The following SH3PXD2A variants were observed in gnomAD, a reference collection of about 807,000 sequenced individuals.
The protein encoded by SH3PXD2A is SH3 and PX domains 2A.
SH3PXD2A carries 32 observed loss-of-function variants against 115.2 expected under a neutral mutation model. That is an observed-to-expected ratio of 0.28 (90% CI 0.21 to 0.37). The LOEUF is 0.37. Ranked by LOEUF, SH3PXD2A falls within the 10% of genes least tolerant of loss-of-function variation. The pLI is 1.00. For missense variants in SH3PXD2A, 1,328 were observed against 1,498.7 expected (o/e 0.89, Z 1.88); for synonymous variants, 610 against 629.1 (o/e 0.97, Z 0.45).
intron 6 of SH3PXD2A, among the ~76,000 whole-genome samples, chr10:103,668,970 C>T (rs1352445462): frequency 6.6e-6 from 1 of 152,368 alleles, no homozygotes; most frequent in East Asian, 1.9e-4. Flanking sequence ...TATCACAGCC[C>T]TGTACAAGGC....
chr10:103,778,865 C>G (rs959791440), intron 2 of SH3PXD2A, among the ~76,000 whole-genome samples: 2 of 152,150 alleles, frequency 1.3e-5, no homozygotes, highest in Non-Finnish European at 1.5e-5. Context: ...GAGCTTTGTC[C>G]CAACACAGAT....
At chr10:103,797,452 C>G (rs1348352967) in intron 2 of SH3PXD2A, among the ~76,000 whole-genome samples, 1 of 152,070 alleles carries the variant, frequency 6.6e-6, no homozygotes, top group Non-Finnish European at 1.5e-5. Flanking sequence ...TTCCGGTGAA[C>G]AGCTCCTCAA....
At chr10:103,791,220 G>A (rs1208579063) in intron 2 of SH3PXD2A, among the ~76,000 whole-genome samples, 1 of 152,232 alleles carries the variant, frequency 6.6e-6, no homozygotes, top group African/African-American at 2.4e-5. Flanking sequence ...GAGGCTGGGG[G>A]TGCAGCAAAG....
At chr10:103,782,423 G>A (rs1238893381) in intron 2 of SH3PXD2A, among the ~76,000 whole-genome samples, 1 of 152,212 alleles carries the variant, frequency 6.6e-6, no homozygotes, top group Admixed American at 6.5e-5. Context: ...AGGCAAAGAT[G>A]GGCACACAAG....
chr10:103,845,883 A>G (rs1842844003), intron 1 of SH3PXD2A, among the ~76,000 whole-genome samples: 1 of 152,212 alleles, frequency 6.6e-6, no homozygotes, highest in South Asian at 2.1e-4. Flanking sequence ...GTGATAGGCA[A>G]AAGTGCAAAC....
intron 4 of SH3PXD2A, among the ~76,000 whole-genome samples, chr10:103,729,605 TGC>T (rs2038290207): frequency 1.3e-5 from 2 of 152,224 alleles, no homozygotes; most frequent in East Asian, 1.9e-4. Flanking sequence ...GCTGGAACTA[TGC>T]AGGTCCCTGG....
intron 4 of SH3PXD2A, among the ~76,000 whole-genome samples, chr10:103,725,974 G>A: frequency 6.6e-6 from 1 of 152,198 alleles, no homozygotes; most frequent in Non-Finnish European, 1.5e-5. Context: ...AGGGGTTGGG[G>A]GTGTAGGGTG....
chr10:103,630,317 C>T (rs1035623901), intron 8 of SH3PXD2A, among the ~76,000 whole-genome samples: 1 of 152,216 alleles, frequency 6.6e-6, no homozygotes, highest in Non-Finnish European at 1.5e-5. Flanking sequence ...CCAGTCCCAG[C>T]TGTTCTCCCA....
intron 9 of SH3PXD2A, among the ~76,000 whole-genome samples, chr10:103,625,451 C>G (rs1224924320): frequency 6.6e-6 from 1 of 152,234 alleles, no homozygotes; most frequent in Non-Finnish European, 1.5e-5. Flanking sequence ...CATCTTGAAG[C>G]CTCAGTTGCC....
At position 103,596,663 on chromosome 10, in the gene SH3PXD2A, A is replaced by ACACACACACACACACACACACTCTCTCT; in HGVS notation, c.*5152_*5153insAGAGAGAGTGTGTGTGTGTGTGTGTGTG. 4 of 124,510 alleles carry ACACACACACACACACACACACTCTCTCT rather than the reference A, an allele frequency of 3.2e-5. No individual in the cohort carries two copies. Among genetic ancestry groups the ACACACACACACACACACACACTCTCTCT allele is most frequent in the East Asian group, 5.0e-4 (2 of 4,034 alleles). The allele number at this position is 124,510 out of a possible 1,614,324, so 7.7% of individuals were successfully genotyped here. A position where few individuals can be genotyped will look rare whatever the true frequency, so the allele number is the denominator to read the frequency against. On this transcript the variant is annotated 3_prime_UTR_variant, in exon 15 of 15. Coordinates refer to ENST00000369774, the MANE Select transcript of SH3PXD2A (RefSeq NM_001394015.1). Reference sequence around the variant, plus strand: ...CACACACACACACACACACACACACACTCTCTCTCTCTCTCTCTCTCTCAC... The same window carrying ACACACACACACACACACACACTCTCTCT: ...CACACACACACACACACACACACACACACACACACACACACACACACTCTCTCTCTCTCTCTCTCTCTCTCTCTCTCAC...
chr10:103,612,770 G>GCA, intron 12 of SH3PXD2A, 83 bp downstream of exon 12: 1 of 952,156 alleles, frequency 1.1e-6, no homozygotes, highest in Non-Finnish European at 1.6e-6. Flanking sequence ...GGGGTCCTGT[G>GCA]CACCCCCCTG....
At chr10:103,619,062 T>C (rs1035672145) in intron 10 of SH3PXD2A, among the ~76,000 whole-genome samples, 1 of 152,174 alleles carries the variant, frequency 6.6e-6, no homozygotes, top group Admixed American at 6.5e-5. Flanking sequence ...TGATGACCCA[T>C]GGGAGCCTGC....
At chr10:103,723,897 G>A (rs574614515) in intron 5 of SH3PXD2A, among the ~76,000 whole-genome samples, 4 of 152,308 alleles carry the variant, frequency 2.6e-5, no homozygotes, top group Non-Finnish European at 5.9e-5. Context: ...GACCTCTGCA[G>A]CCATAACAGC....
intron 4 of SH3PXD2A, among the ~76,000 whole-genome samples, chr10:103,727,367 GAGAC>G (rs1375996253): frequency 1.3e-5 from 2 of 152,212 alleles, no homozygotes; most frequent in African/African-American, 2.4e-5. Context: ...AGGAAAGAGA[GAGAC>G]AGACAGGGAG....
chr10:103,637,886 C>G (rs1218752127), intron 8 of SH3PXD2A, among the ~76,000 whole-genome samples: 1 of 152,148 alleles, frequency 6.6e-6, no homozygotes, highest in South Asian at 2.1e-4. Flanking sequence ...TTTCCCATGA[C>G]CTCCAGGCAG....
chr10:103,729,004 C>T (rs1232777773), intron 4 of SH3PXD2A, among the ~76,000 whole-genome samples: 1 of 151,740 alleles, frequency 6.6e-6, no homozygotes, highest in Non-Finnish European at 1.5e-5. Context: ...AGCGATTCTC[C>T]TGTCTCAGCC....
chr10:103,607,047 G>A (rs2036322364), intron 13 of SH3PXD2A, among the ~76,000 whole-genome samples: 2 of 151,958 alleles, frequency 1.3e-5, no homozygotes, highest in South Asian at 2.1e-4. Context: ...TCTAGGAAGT[G>A]AGGAGCGCCT....
intron 6 of SH3PXD2A, among the ~76,000 whole-genome samples, chr10:103,683,197 C>T (rs1200450529): frequency 1.3e-5 from 2 of 151,804 alleles, no homozygotes. Context: ...CTGTTTCTAC[C>T]AAATAAATAA....
At chr10:103,631,430 G>A (rs1361087903) in intron 8 of SH3PXD2A, among the ~76,000 whole-genome samples, 5 of 152,140 alleles carry the variant, frequency 3.3e-5, no homozygotes, top group African/African-American at 4.8e-5. Flanking sequence ...TTCGGACCAC[G>A]GTTAACCTCA....
Sources: allele counts gnomAD v4.1 joint callset (sites outside exome capture counted in the v4.1 genomes callset), GRCh38; gene constraint gnomAD v4.1.1; transcripts MANE v1.5; gene names NCBI Gene and HGNC (gene_info 2026-07-23, HGNC 2026-07-21).